LRMDA: variants seen among roughly 807,000 people sequenced by gnomAD.
LRMDA encodes the protein leucine-rich melanocyte differentiation-associated protein.
Under a neutral mutation model 29.8 loss-of-function variants are expected in LRMDA, and 18 were observed. The ratio of observed to expected loss-of-function variants is 0.60; its 90% confidence interval spans 0.42 to 0.90. The LOEUF is 0.90. Among genes scored for constraint, LRMDA ranks in the 40% least tolerant of loss-of-function variants. The pLI, the probability that LRMDA is intolerant of heterozygous loss-of-function variation, is 0.00. For missense variants in LRMDA, 273 were observed against 273.9 expected (o/e 1.00, Z 0.02); for synonymous variants, 125 against 109.4 (o/e 1.14, Z -0.89).
At chr10:75,665,709 A>G (rs1248616231) in intron 2 of LRMDA, among the ~76,000 whole-genome samples, 1 of 152,244 alleles carries the variant, frequency 6.6e-6, no homozygotes, top group African/African-American at 2.4e-5. Context: ...AGAATTTGAA[A>G]TTGGTGGAAA....
Position 76,467,540 on chromosome 10 carries a change from G to A in LRMDA, c.602-89669G>A, listed in dbSNP as rs577340980. Among the ~76,000 whole-genome samples the A allele has an allele frequency of 8.5e-5, 13 of 152,296 alleles. No homozygotes were observed. In the South Asian group the frequency reaches 2.7e-3, roughly 32 times the overall value. Reference sequence around the variant, plus strand: ...TTTGTATCAGTATTTATGGAGTGTAGCCTTGTAGGAATTACTCTGGCCAGA... The same window carrying A: ...TTTGTATCAGTATTTATGGAGTGTAACCTTGTAGGAATTACTCTGGCCAGA... On this transcript the variant is annotated intron_variant, in intron 6 of 6. Transcript: ENST00000611255.
chr10:76,064,723 A>G lies in LRMDA; in HGVS notation c.516+5940A>G, dbSNP rs75378636. ...ACAATTACTGTCCTTTATACTCAAT[A>G]TTTTCAAGAATATATATTTTATATA... On this transcript the variant is annotated intron_variant, in intron 5 of 6. Coordinates refer to ENST00000611255, the MANE Select transcript of LRMDA (RefSeq NM_001305581.2). Among the ~76,000 whole-genome samples the G allele has an allele frequency of 5.3e-5, 8 of 152,306 alleles. No individual in the cohort carries two copies. In the East Asian group the frequency reaches 1.5e-3, roughly 29 times the overall value.
chr10:75,795,039 T>A (rs1050085945), intron 2 of LRMDA, among the ~76,000 whole-genome samples: 1 of 151,936 alleles, frequency 6.6e-6, no homozygotes, highest in African/African-American at 2.4e-5. Context: ...TTACCTTGAG[T>A]TTTGGCTTTT....
intron 5 of LRMDA, among the ~76,000 whole-genome samples, chr10:76,145,852 A>T (rs1411775357): frequency 6.7e-6 from 1 of 149,446 alleles, no homozygotes; most frequent in African/African-American, 2.5e-5. Flanking sequence ...CCCTCTACAC[A>T]CTGCTTTGAA....
rs192375632 is a variant in LRMDA at position 76,548,462 on chromosome 10, A to G, written c.602-8747A>G. Among the ~76,000 whole-genome samples the G allele has an allele frequency of 4.4e-3, 675 of 152,190 alleles. 4 individuals carry two copies. Among genetic ancestry groups the G allele is most frequent in the Middle Eastern group, 0.034 (10 of 294 alleles). On this transcript the variant is annotated intron_variant, in intron 6 of 6. Transcript: ENST00000611255. ...CTTTGGCTTGGACCAAAAAAAAAAA[A>G]AAAAATGTAACCTGAGGCTAAAAAA...
At chr10:75,896,634 T>C (rs914699757) in intron 2 of LRMDA, among the ~76,000 whole-genome samples, 6 of 152,174 alleles carry the variant, frequency 3.9e-5, no homozygotes, top group African/African-American at 1.4e-4. Flanking sequence ...ACTATGAAGA[T>C]TTGATGTGAT....
At chr10:76,383,415 C>CTTT (rs1157185768) in intron 6 of LRMDA, among the ~76,000 whole-genome samples, 21 of 87,288 alleles carry the variant, frequency 2.4e-4, no homozygotes, top group Non-Finnish European at 2.7e-4. Flanking sequence ...AATGTCTTTT[C>CTTT]TTTTTTTTTT....
intron 6 of LRMDA, among the ~76,000 whole-genome samples, chr10:76,380,573 G>T (rs979259591): frequency 1.1e-4 from 16 of 151,512 alleles, no homozygotes; most frequent in Non-Finnish European, 1.9e-4. Flanking sequence ...GGTTGCTGAG[G>T]CAGGAGAATG....
At chr10:75,761,296 A>G (rs776645043) in intron 2 of LRMDA, among the ~76,000 whole-genome samples, 11 of 152,270 alleles carry the variant, frequency 7.2e-5, no homozygotes, top group Non-Finnish European at 1.3e-4. Flanking sequence ...GTCTATCAAC[A>G]GATGAATGGA....
At chr10:75,916,206 G>A (rs1352603702) in intron 2 of LRMDA, among the ~76,000 whole-genome samples, 1 of 151,942 alleles carries the variant, frequency 6.6e-6, no homozygotes, top group African/African-American at 2.4e-5. Context: ...GGGTGGGTGT[G>A]CATGTGTGTA....
intron 2 of LRMDA, among the ~76,000 whole-genome samples, chr10:75,542,307 C>T (rs78018306): frequency 0.013 from 1,978 of 152,078 alleles, 44 homozygotes; most frequent in African/African-American, 0.045. Context: ...TCCCTAAACC[C>T]TTGGGACGCT....
intron 2 of LRMDA, among the ~76,000 whole-genome samples, chr10:75,880,373 T>G (rs1313668192): frequency 1.3e-5 from 2 of 152,220 alleles, no homozygotes; most frequent in African/African-American, 4.8e-5. Context: ...AAAGAAGAGA[T>G]ATTGCTAATA....
chr10:75,959,701 C>T (rs185306651), intron 2 of LRMDA, among the ~76,000 whole-genome samples: 1 of 152,290 alleles, frequency 6.6e-6, no homozygotes, highest in East Asian at 1.9e-4. Context: ...TATATGCACA[C>T]ACCTACATAT....
At chr10:75,809,121 G>T (rs1385742833) in intron 2 of LRMDA, among the ~76,000 whole-genome samples, 3 of 152,072 alleles carry the variant, frequency 2.0e-5, no homozygotes, top group Non-Finnish European at 4.4e-5. Context: ...CACCTTCCCT[G>T]CAGGCTTCAT....
intron 6 of LRMDA, among the ~76,000 whole-genome samples, chr10:76,360,640 G>C (rs1841300399): frequency 6.6e-6 from 1 of 152,134 alleles, no homozygotes. Flanking sequence ...GTTCTGTGAA[G>C]TCAGTATTAT....
chr10:75,492,408 G>T (rs1465225911), intron 2 of LRMDA, among the ~76,000 whole-genome samples: 1 of 152,154 alleles, frequency 6.6e-6, no homozygotes, highest in African/African-American at 2.4e-5. Context: ...TGGAGTCATT[G>T]CCTGCCTGCA....
At chr10:75,439,555 G>C (rs1844303665) in intron 2 of LRMDA, among the ~76,000 whole-genome samples, 1 of 152,234 alleles carries the variant, frequency 6.6e-6, no homozygotes, top group Non-Finnish European at 1.5e-5. Context: ...GGATTTGTTT[G>C]AGGTCAGCCA....
chr10:75,647,032 C>T (rs991744308), intron 2 of LRMDA, among the ~76,000 whole-genome samples: 5 of 151,542 alleles, frequency 3.3e-5, no homozygotes, highest in Admixed American at 6.6e-5. Context: ...GCTCAGAGAG[C>T]AAACTTGGCC....
intron 2 of LRMDA, among the ~76,000 whole-genome samples, chr10:75,603,842 T>G (rs971825592): frequency 6.6e-6 from 1 of 152,196 alleles, no homozygotes. Flanking sequence ...GATCATAAAA[T>G]TATTGTTCCC....
Sources: allele counts gnomAD v4.1 joint callset (sites outside exome capture counted in the v4.1 genomes callset), GRCh38; gene constraint gnomAD v4.1.1; transcripts MANE v1.5; gene names NCBI Gene and HGNC (gene_info 2026-07-23, HGNC 2026-07-21).